Variants in KLHL31 observed in about 807,000 individuals in gnomAD.
The protein encoded by KLHL31 is kelch-like protein 31.
A neutral mutation model predicts 47.1 loss-of-function variants in KLHL31; 32 were observed. The ratio of observed to expected loss-of-function variants is 0.68; its 90% CI spans 0.51 to 0.91. The LOEUF is 0.91. KLHL31 is among the 40% of genes least tolerant of loss of function. The probability of loss-of-function intolerance (pLI) is 0.00; values close to 1 mark genes in which losing one functional copy is unlikely to be tolerated. For missense variants in KLHL31, 797 were observed against 819.3 expected, an observed-to-expected ratio of 0.97 and a Z score of 0.33; for synonymous variants, 330 against 325.1, an observed-to-expected ratio of 1.01 and a Z score of -0.16.
At position 53,661,997 on chromosome 6, in the gene KLHL31, T is replaced by G. The variant is rs1003300818; in HGVS notation, c.-34+3604A>C. On this transcript the variant is annotated intron_variant, in intron 1 of 2. Coordinates refer to ENST00000370905, the MANE Select transcript of KLHL31 (RefSeq NM_001003760.5). ...TTTTTTTAAAGCTCTCTCTCTCTTTTTTCTTTTTAACGGAGTGAAGGTCTT... is the reference window on the plus strand; with the variant it reads ...TTTTTTTAAAGCTCTCTCTCTCTTTGTTCTTTTTAACGGAGTGAAGGTCTT... 2.0e-5 allele frequency among the ~76,000 whole-genome samples: 3 copies of G among 152,338 alleles called. No individual in the cohort carries two copies. The East Asian group carries it at 5.8e-4, about 29-fold the overall frequency.
In KLHL31 at chr6:53,651,419, A is replaced by AAAAAAAAAAAAAAT; in HGVS notation, c.*178_*179insATTTTTTTTTTTTT. On this transcript the variant is annotated 3_prime_UTR_variant, in exon 3 of 3. Coordinates refer to ENST00000370905, the MANE Select transcript of KLHL31 (RefSeq NM_001003760.5). ...TTTGCTAAAAAAAAAAAAAAAAAAAAGAGGTAGATTATGCCATACCAGGAA... is the reference window on the plus strand; with the variant it reads ...TTTGCTAAAAAAAAAAAAAAAAAAAAAAAAAAAAAAAAATGAGGTAGATTATGCCATACCAGGAA... The AAAAAAAAAAAAAAT allele has an allele frequency of 8.4e-6, 3 of 358,178 alleles. No individual in the cohort carries two copies. The highest frequency in any genetic ancestry group is 4.7e-5 in the East Asian group (1 of 21,282). The allele number at this position is 358,178 out of a possible 1,614,324, so 22.2% of individuals were successfully genotyped here.
chr6:53,655,115 GCATCT>G lies in KLHL31; in HGVS notation c.153_157del (p.Asp52PhefsTer12). On this transcript the variant is annotated frameshift_variant, in exon 2 of 3. Transcript: ENST00000370905. LOFTEE classifies it high-confidence loss of function. Reference sequence around the variant, plus strand: ...TTCCAAGAGGTTGGGGCCATAAGAAGCATCTGTTAGTTCAGAAGAAATGCAGCTAA... The same window carrying G: ...TTCCAAGAGGTTGGGGCCATAAGAAGGTTAGTTCAGAAGAAATGCAGCTAA... The G allele has an allele frequency of 1.9e-6, 3 of 1,614,162 alleles. No individual in the cohort carries two copies. The highest frequency in any genetic ancestry group is 2.5e-6 in the Non-Finnish European group (3 of 1,180,038).
At chr6:53,662,767 G>T (rs554139495) in intron 1 of KLHL31, among the ~76,000 whole-genome samples, 22 of 152,210 alleles carry the variant, frequency 1.4e-4, no homozygotes, top group Non-Finnish European at 2.6e-4. Flanking sequence ...CACCTGATAA[G>T]CAGCTGGGCA....
In KLHL31 at chr6:53,648,140, T is replaced by A. The variant is rs1021286912; in HGVS notation, c.*3458A>T. The A allele has an allele frequency of 6.5e-6, 1 of 152,672 alleles. No homozygotes were observed. Among genetic ancestry groups the A allele is most frequent in the African/African-American group, 2.4e-5 (1 of 41,464 alleles). The allele number at this position is 152,672 out of a possible 1,614,324, so 9.5% of individuals were successfully genotyped here. On this transcript the variant is annotated 3_prime_UTR_variant, in exon 3 of 3. Transcript: ENST00000370905. ...GGCAAATTAAATGGTCTTTACCCAG[T>A]GAATGTGCTGGAGGGTAAATCTTTA... is the stretch of plus-strand genomic sequence containing the variant.
intron 1 of KLHL31, among the ~76,000 whole-genome samples, chr6:53,665,346 T>C (rs1764703379): frequency 6.6e-6 from 1 of 152,248 alleles, no homozygotes; most frequent in Non-Finnish European, 1.5e-5. Flanking sequence ...GTTTTACATT[T>C]GTAGGGCATC....
chr6:53,658,628 C>T (rs1396361584), intron 1 of KLHL31, among the ~76,000 whole-genome samples: 1 of 152,024 alleles, frequency 6.6e-6, no homozygotes, highest in Non-Finnish European at 1.5e-5. Flanking sequence ...AGCTATTTGA[C>T]TATTTCAATT....
rs1212437899 is a variant in KLHL31 at position 53,654,819 on chromosome 6, T to G, written c.454A>C (p.Ile152Leu). 4.3e-6 allele frequency: 7 copies of G among 1,613,974 alleles called. No homozygotes were observed. Among genetic ancestry groups the G allele is most frequent in the Non-Finnish European group, 5.9e-6 (7 of 1,180,002 alleles). Residue 152 changes from isoleucine (I) to leucine (L), a missense_variant, in exon 2 of 3, where the codon ATC (isoleucine) becomes CTC (leucine). Coordinates refer to ENST00000370905, the MANE Select transcript of KLHL31 (RefSeq NM_001003760.5). ...CTGCACATCTTTACAAGAGTATGGA[T>G]CTGAAGATAAACAGCAGCAGAAATA... ...SIISAAVYLQ[I>L]HTLVKMCSDF...
At chr6:53,656,613 G>A (rs916758744) in intron 1 of KLHL31, among the ~76,000 whole-genome samples, 1 of 152,012 alleles carries the variant, frequency 6.6e-6, no homozygotes, top group Non-Finnish European at 1.5e-5. Context: ...AAAAATCAAT[G>A]AGAAAGAACT....
At chr6:53,656,931 CTTTTT>C (rs10665063) in intron 1 of KLHL31, among the ~76,000 whole-genome samples, 1 of 98,428 alleles carries the variant, frequency 1.0e-5, no homozygotes, top group African/African-American at 3.9e-5. Flanking sequence ...GTATTTTTAA[CTTTTT>C]TTTTTTTTTT....
At position 53,650,081 on chromosome 6, in the gene KLHL31, A is replaced by G. The variant is rs772620408; in HGVS notation, c.*1517T>C. On this transcript the variant is annotated 3_prime_UTR_variant, in exon 3 of 3. Transcript: ENST00000370905. ...TAAATATCATAACTAGCAATAACCT[A>G]TCTACACAAGGTGGAGAGGATGAGA... 40 of 152,170 alleles carry G rather than the reference A, an allele frequency of 2.6e-4. No individual in the cohort carries two copies. The highest frequency in any genetic ancestry group is 4.6e-4 in the Non-Finnish European group (31 of 68,004). 9.4% of individuals were successfully genotyped at this position (152,170 alleles called of 1,614,324 possible).
rs1359535777 is a variant in KLHL31 at position 53,649,795 on chromosome 6, C to T, written c.*1803G>A. On this transcript the variant is annotated 3_prime_UTR_variant, in exon 3 of 3. Coordinates refer to ENST00000370905, the MANE Select transcript of KLHL31 (RefSeq NM_001003760.5). ...TCAGTTGTATGAGTGTGTGCGTATACACACATATACATACACCAAGGTAAT... is the reference window on the plus strand; with the variant it reads ...TCAGTTGTATGAGTGTGTGCGTATATACACATATACATACACCAAGGTAAT... 6.6e-6 allele frequency: 1 copy of T among 152,162 alleles called. No individual in the cohort carries two copies. The highest frequency in any genetic ancestry group is 1.5e-5 in the Non-Finnish European group (1 of 68,004). 9.4% of individuals were successfully genotyped at this position (152,162 alleles called of 1,614,324 possible). A position where few individuals can be genotyped will look rare whatever the true frequency, so the allele number is the denominator to read the frequency against.
chr6:53,664,797 G>A (rs1308231434), intron 1 of KLHL31, among the ~76,000 whole-genome samples: 3 of 152,200 alleles, frequency 2.0e-5, no homozygotes, highest in East Asian at 3.9e-4. Context: ...AATCAGCTGC[G>A]CCTGCTCCCT....
chr6:53,662,886 T>C (rs1431830330), intron 1 of KLHL31, among the ~76,000 whole-genome samples: 1 of 152,242 alleles, frequency 6.6e-6, no homozygotes, highest in Non-Finnish European at 1.5e-5. Context: ...ATGTATTTAA[T>C]GTGAATGGAT....
rs918043379 is a variant in KLHL31, at chr6:53,650,167, T to A, written c.*1431A>T. On this transcript the variant is annotated 3_prime_UTR_variant, in exon 3 of 3. Coordinates refer to ENST00000370905, the MANE Select transcript of KLHL31 (RefSeq NM_001003760.5). ...TGTTCAATTCCTAAATAGCTTGTTT[T>A]ATTTTTCAAAATCCAATTGCACATA... The A allele has an allele frequency of 3.9e-5, 6 of 152,250 alleles. No homozygotes were observed. Among genetic ancestry groups the A allele is most frequent in the Non-Finnish European group, 8.8e-5 (6 of 68,038 alleles). The allele number at this position is 152,250 out of a possible 1,614,324, so 9.4% of individuals were successfully genotyped here.
Position 53,650,108 on chromosome 6 carries a change from T to G in KLHL31, c.*1490A>C, listed in dbSNP as rs950703990. 6.6e-6 allele frequency: 1 copy of G among 152,206 alleles called. No homozygotes were observed. Among genetic ancestry groups the G allele is most frequent in the Non-Finnish European group, 1.5e-5 (1 of 68,014 alleles). The allele number at this position is 152,206 out of a possible 1,614,324, so 9.4% of individuals were successfully genotyped here. A position where few individuals can be genotyped will look rare whatever the true frequency, so the allele number is the denominator to read the frequency against. On this transcript the variant is annotated 3_prime_UTR_variant, in exon 3 of 3. Transcript: ENST00000370905. ...CTACACAAGGTGGAGAGGATGAGAT[T>G]AACAAAAACCAAATTATATTTCCAT...
At chr6:53,652,781 A>G (rs1273862760) in intron 2 of KLHL31, among the ~76,000 whole-genome samples, 1 of 152,212 alleles carries the variant, frequency 6.6e-6, no homozygotes, top group Non-Finnish European at 1.5e-5. Flanking sequence ...TCAGATGCCA[A>G]CCATTCCTAG....
At position 53,655,313 on chromosome 6, in the gene KLHL31, GAGA is replaced by G; in HGVS notation, c.-33-11_-33-9del. ...GTTACAGGCAAGAGCTTGCTAAAAA[GAGA>G]AAAAAAAAAACATGGTTTTGTTTTA... On this transcript the variant is annotated splice_polypyrimidine_tract_variant and intron_variant, in intron 1 of 2. Transcript: ENST00000370905. The G allele has an allele frequency of 7.8e-7, 1 of 1,278,980 alleles. No individual in the cohort carries two copies. Among genetic ancestry groups the G allele is most frequent in the Non-Finnish European group, 1.1e-6 (1 of 950,298 alleles). The allele number at this position is 1,278,980 out of a possible 1,614,324, so 79.2% of individuals were successfully genotyped here. A position where few individuals can be genotyped will look rare whatever the true frequency, so the allele number is the denominator to read the frequency against.
intron 2 of KLHL31, among the ~76,000 whole-genome samples, chr6:53,653,080 G>A (rs949014984): frequency 1.3e-5 from 2 of 152,140 alleles, no homozygotes; most frequent in African/African-American, 4.8e-5. Flanking sequence ...TATAAGCACT[G>A]CAATCAATAC....
At chr6:53,661,043 G>C (rs1764638290) in intron 1 of KLHL31, among the ~76,000 whole-genome samples, 1 of 152,168 alleles carries the variant, frequency 6.6e-6, no homozygotes, top group Non-Finnish European at 1.5e-5. Context: ...AGAGGAACCT[G>C]GGGATCAGGA....
Sources: gnomAD v4.1 joint callset for allele counts (sites outside exome capture counted in the v4.1 genomes callset) on GRCh38, gnomAD v4.1.1 for gene constraint, MANE v1.5 for transcripts, NCBI Gene and HGNC (gene_info 2026-07-23, HGNC 2026-07-21) for gene names.